The following KLF16 variants were observed in gnomAD, a reference collection of about 807,000 sequenced individuals.
KLF16 encodes Krueppel-like factor 16.
A neutral mutation model predicts 6.1 loss-of-function variants in KLF16; 6 were observed. The observed-to-expected ratio is 0.98, with a 90% confidence interval of 0.54 to 1.93. The LOEUF is 1.93. KLF16 is among the 30% of genes most tolerant of loss of function. KLF16 has a pLI of 0.01. For synonymous variants in KLF16, 211 were observed against 176.5 expected (o/e 1.20, Z -1.55); for missense variants, 355 against 363.8 (o/e 0.98, Z 0.20).
the KLF16 span, among the ~76,000 whole-genome samples, chr19:1,870,780 G>A: frequency 6.6e-6 from 1 of 152,218 alleles, no homozygotes; most frequent in African/African-American, 2.4e-5. Flanking sequence ...CAGGTCACCT[G>A]AGGTCAGGAG....
At chr19:1,858,859 C>G (rs535837667) in intron 1 of KLF16, among the ~76,000 whole-genome samples, 1 of 152,076 alleles carries the variant, frequency 6.6e-6, no homozygotes, top group East Asian at 1.9e-4. Flanking sequence ...TGGTGCCCCC[C>G]GCCCCCACAG....
upstream of KLF16, among the ~76,000 whole-genome samples, chr19:1,866,597 A>G (rs954709132): frequency 6.8e-6 from 1 of 147,192 alleles, no homozygotes; most frequent in Non-Finnish European, 1.5e-5. Flanking sequence ...CTGGGTGACA[A>G]GAGAGAAACT....
Position 1,856,486 on chromosome 19 carries a change from C to A in KLF16, c.458-1726G>T, listed in dbSNP as rs1431863647. On this transcript the variant is annotated intron_variant, in intron 1 of 1. Coordinates refer to ENST00000250916, the MANE Select transcript of KLF16 (RefSeq NM_031918.4). Reference sequence around the variant, plus strand: ...CCAGGCAGCTGGAGAGGGGGAGAGACCAGCTGTCACCAAGACCAACAGTAG... The same window carrying A: ...CCAGGCAGCTGGAGAGGGGGAGAGAACAGCTGTCACCAAGACCAACAGTAG... 2.0e-5 allele frequency among the ~76,000 whole-genome samples: 3 copies of A among 152,200 alleles called. No individual in the cohort carries two copies. The East Asian group carries it at 5.8e-4, about 29-fold the overall frequency.
intron 1 of KLF16, chr19:1,861,547 T>A (rs1437191698): frequency 6.6e-6 from 1 of 152,084 alleles, no homozygotes; most frequent in Admixed American, 6.6e-5. Context: ...CTGGGACCCC[T>A]CCGCCGAGGA....
chr19:1,863,381 G>T lies in KLF16; in HGVS notation c.117C>A (p.Ala39=). Residue 39 remains alanine, a synonymous_variant, in exon 1 of 2, where the codon GCC becomes GCA. Coordinates refer to ENST00000250916, the MANE Select transcript of KLF16 (RefSeq NM_031918.4). ...RPGPEGAGPA[A]GLDVRAARRE... ...GGCGCGCCGCGCGCACATCCAGGCC[G>T]GCGGCGGGGCCCGCGCCCTCGGGGC... 2.0e-6 allele frequency: 2 copies of T among 982,546 alleles called. No homozygotes were observed. The highest frequency in any genetic ancestry group is 1.8e-5 in the African/African-American group (1 of 56,440). The allele number at this position is 982,546 out of a possible 1,614,324, so 60.9% of individuals were successfully genotyped here.
chr19:1,859,191 T>C (rs1436281174), intron 1 of KLF16, among the ~76,000 whole-genome samples: 1 of 151,222 alleles, frequency 6.6e-6, no homozygotes, highest in African/African-American at 2.4e-5. Flanking sequence ...CAGGAGCGCA[T>C]AGTTCTGCCT....
the KLF16 span, among the ~76,000 whole-genome samples, chr19:1,872,347 G>C: frequency 2.6e-5 from 4 of 152,188 alleles, no homozygotes; most frequent in Non-Finnish European, 5.9e-5. Context: ...GGTCAGGCTG[G>C]TCTCGACCTC....
chr19:1,864,447 C>A (rs2012150476), upstream of KLF16, among the ~76,000 whole-genome samples: 1 of 150,928 alleles, frequency 6.6e-6, no homozygotes, highest in Admixed American at 6.6e-5. Context: ...GAGGGTGGGG[C>A]AAGGCTGCGT....
At chr19:1,864,379 G>C (rs1230444118), upstream of KLF16, among the ~76,000 whole-genome samples, 2 of 152,216 alleles carry the variant, frequency 1.3e-5, no homozygotes, top group Non-Finnish European at 2.9e-5. Flanking sequence ...CGCTCACAGA[G>C]CCCCTCGGAG....
In KLF16 at chr19:1,853,078, G is replaced by A. The variant is rs979936981; in HGVS notation, c.*1381C>T. 1 of 151,988 alleles carries A rather than the reference G, an allele frequency of 6.6e-6. No individual in the cohort carries two copies. Among genetic ancestry groups the A allele is most frequent in the Non-Finnish European group, 1.5e-5 (1 of 68,030 alleles). 9.4% of individuals were successfully genotyped at this position (151,988 alleles called of 1,614,324 possible). A position where few individuals can be genotyped will look rare whatever the true frequency, so the allele number is the denominator to read the frequency against. On this transcript the variant is annotated 3_prime_UTR_variant, in exon 2 of 2. Transcript: ENST00000250916. The stretch of plus-strand genomic sequence containing the variant: ...GGGACCCTTCTCATTCCAGGCTGGG[G>A]GTCCTCAATACCCCCCCCAAGAGGA...
In KLF16 at chr19:1,857,272, C is replaced by A. The variant is rs2011972956; in HGVS notation, c.458-2512G>T. 6.6e-6 allele frequency among the ~76,000 whole-genome samples: 1 copy of A among 152,212 alleles called. No homozygotes were observed. Among genetic ancestry groups the A allele is most frequent in the African/African-American group, 2.4e-5 (1 of 41,444 alleles). On this transcript the variant is annotated intron_variant, in intron 1 of 1. Transcript: ENST00000250916. This position sits in a 1 kb window ranked among gnomAD's most constrained non-coding sequence, Gnocchi z 4.7. Reference sequence around the variant, plus strand: ...GGCCCTGCCTCGCACACAATCCACTCGCAGGGAGGAGGGTGGGGTGAACTT... The same window carrying A: ...GGCCCTGCCTCGCACACAATCCACTAGCAGGGAGGAGGGTGGGGTGAACTT...
At chr19:1,859,707 C>T (rs1023216163) in intron 1 of KLF16, among the ~76,000 whole-genome samples, 2 of 152,158 alleles carry the variant, frequency 1.3e-5, no homozygotes, top group African/African-American at 4.8e-5. Context: ...ACCCCCCACC[C>T]CGCCCCCCGC....
intron 1 of KLF16, among the ~76,000 whole-genome samples, chr19:1,862,593 G>A (rs978986354): frequency 4.6e-5 from 7 of 152,002 alleles, no homozygotes; most frequent in Non-Finnish European, 8.8e-5. Context: ...CCCCGGCGGC[G>A]GCGACGCGGT....
chr19:1,866,796 G>T (rs78341832), upstream of KLF16, among the ~76,000 whole-genome samples: 1 of 134,202 alleles, frequency 7.5e-6, no homozygotes, highest in Non-Finnish European at 1.6e-5. Context: ...AAAAAAAAAG[G>T]AGTTGTCATT....
intron 1 of KLF16, among the ~76,000 whole-genome samples, chr19:1,856,844 C>T (rs910397604): frequency 5.9e-5 from 9 of 151,982 alleles, no homozygotes; most frequent in African/African-American, 1.9e-4. Context: ...GAACATCCCA[C>T]GGCTGGGTGC....
At chr19:1,862,829 G>A (rs907845482) in intron 1 of KLF16, 1 of 330,240 alleles carries the variant, frequency 3.0e-6, no homozygotes, top group Admixed American at 5.0e-5. Flanking sequence ...CACTGCCGCC[G>A]GGGCGGCCAT....
chr19:1,872,596 C>T, the KLF16 span, among the ~76,000 whole-genome samples: 15 of 152,222 alleles, frequency 9.9e-5, no homozygotes, highest in African/African-American at 2.7e-4. Flanking sequence ...GCTCCACTTC[C>T]GGCTGGGTGC....
chr19:1,874,627 T>C, the KLF16 span, among the ~76,000 whole-genome samples: 6 of 151,558 alleles, frequency 4.0e-5, no homozygotes, highest in Non-Finnish European at 8.8e-5. Context: ...GTAACAATTT[T>C]AGATGCTTAG....
intron 1 of KLF16, among the ~76,000 whole-genome samples, chr19:1,859,342 C>T (rs911859042): frequency 6.6e-6 from 1 of 152,096 alleles, no homozygotes; most frequent in Non-Finnish European, 1.5e-5. Flanking sequence ...CTGCACACCT[C>T]GTCCTGAGGA....
Sources: gnomAD v4.1 joint callset for allele counts (sites outside exome capture counted in the v4.1 genomes callset) on GRCh38, gnomAD v4.1.1 for gene constraint, Gnocchi (gnomAD v3.1) non-coding constraint, MANE v1.5 for transcripts, NCBI Gene and HGNC (gene_info 2026-07-23, HGNC 2026-07-21) for gene names.